WDHD1: variants seen among roughly 807,000 people sequenced by gnomAD.
The protein encoded by WDHD1 is WD repeat and HMG-box DNA binding protein 1.
A neutral mutation model predicts 135.4 loss-of-function variants in WDHD1; 111 were observed. The ratio of observed to expected loss-of-function variants is 0.82; its 90% CI spans 0.70 to 0.96. The LOEUF (loss-of-function observed/expected upper bound fraction) is 0.96, where lower values mean the gene tolerates loss of function less well. Ranked by LOEUF, WDHD1 falls within the 40% of genes least tolerant of loss-of-function variation. WDHD1 has a pLI of 0.00. For missense variants in WDHD1, 1,351 were observed against 1,336.3 expected (o/e 1.01, Z -0.17); for synonymous variants, 434 against 439.0 (o/e 0.99, Z 0.14).
chr14:54,961,835 A>C (rs1595069853), intron 21 of WDHD1, among the ~76,000 whole-genome samples: 3 of 147,960 alleles, frequency 2.0e-5, no homozygotes, highest in Non-Finnish European at 3.0e-5. Context: ...AACCATTTTC[A>C]ACTCCTTTTT....
At chr14:54,966,646 C>CTA in intron 17 of WDHD1, 40 bp from the exon 18 acceptor site, 5 of 1,567,930 alleles carry the variant, frequency 3.2e-6, no homozygotes, top group South Asian at 1.2e-5. Flanking sequence ...CAACTATCAC[C>CTA]TTAATATGAG....
intron 25 of WDHD1, among the ~76,000 whole-genome samples, chr14:54,943,881 T>A (rs2040876968): frequency 1.3e-5 from 2 of 148,616 alleles, no homozygotes; most frequent in South Asian, 2.1e-4. Flanking sequence ...GCCCAGGAGG[T>A]CGAGGTGGCA....
rs147903595 is a variant in WDHD1, at chr14:54,995,364, T to G, written c.1153+239A>C. On this transcript the variant is annotated intron_variant, in intron 11 of 25. Transcript: ENST00000360586. ...TGTTGTCAATTTTATTGAATTTTGCTCTGTATTATTTCCTTCCATTTGCTT... is the reference window on the plus strand; with the variant it reads ...TGTTGTCAATTTTATTGAATTTTGCGCTGTATTATTTCCTTCCATTTGCTT... 6.6e-5 allele frequency among the ~76,000 whole-genome samples: 7 copies of G among 105,612 alleles called. No individual in the cohort carries two copies. In the East Asian group the frequency reaches 1.4e-3, roughly 21 times the overall value. The allele number at this position is 105,612 out of a possible 152,430, so 69.3% of individuals were successfully genotyped here.
intron 21 of WDHD1, among the ~76,000 whole-genome samples, chr14:54,962,219 C>G (rs1307911418): frequency 6.6e-6 from 1 of 152,186 alleles, no homozygotes; most frequent in Non-Finnish European, 1.5e-5. Flanking sequence ...GTCTTCTCAG[C>G]TGGGCTAAAA....
At chr14:54,966,756 T>A (rs2041352962) in intron 17 of WDHD1, 150 bp from the exon 18 acceptor site, 18 of 967,084 alleles carry the variant, frequency 1.9e-5, no homozygotes, top group South Asian at 1.2e-4. Flanking sequence ...AATTCTAGTG[T>A]GATACTACAG....
At chr14:55,024,360 C>A (rs1310714898) in intron 2 of WDHD1, among the ~76,000 whole-genome samples, 1 of 152,344 alleles carries the variant, frequency 6.6e-6, no homozygotes, top group East Asian at 1.9e-4. Context: ...CTGTTATTTG[C>A]AAGTGGAAGC....
intron 24 of WDHD1, among the ~76,000 whole-genome samples, chr14:54,954,933 TGG>T (rs1452416278): frequency 6.6e-6 from 1 of 152,206 alleles, no homozygotes; most frequent in East Asian, 1.9e-4. Flanking sequence ...TTCTCCATGT[TGG>T]TCAGGCTGGT....
At chr14:54,957,931 T>C (rs1378737044) in intron 21 of WDHD1, among the ~76,000 whole-genome samples, 1 of 152,182 alleles carries the variant, frequency 6.6e-6, no homozygotes. Flanking sequence ...GTAATCCCTT[T>C]ACTTGTGTTC....
intron 2 of WDHD1, among the ~76,000 whole-genome samples, chr14:55,022,429 G>A (rs2042363454): frequency 6.6e-6 from 1 of 151,832 alleles, no homozygotes; most frequent in Admixed American, 6.6e-5. Flanking sequence ...TGTTCTTTGT[G>A]GCATTTTTCC....
intron 4 of WDHD1, among the ~76,000 whole-genome samples, chr14:55,009,948 G>A (rs1304155415): frequency 1.3e-5 from 2 of 151,718 alleles, no homozygotes; most frequent in African/African-American, 4.8e-5. Context: ...AGCTTCCCGA[G>A]TAGCTGGGAT....
At chr14:54,973,523 A>C (rs1320960513) in intron 16 of WDHD1, among the ~76,000 whole-genome samples, 2 of 152,194 alleles carry the variant, frequency 1.3e-5, no homozygotes, top group African/African-American at 4.8e-5. Flanking sequence ...TGATTTTATA[A>C]AAAATCTAGT....
chr14:54,947,665 C>T (rs1167892628), intron 24 of WDHD1, among the ~76,000 whole-genome samples: 1 of 152,036 alleles, frequency 6.6e-6, no homozygotes, highest in Non-Finnish European at 1.5e-5. Context: ...AATCTTGGCT[C>T]ATTGCAGCCT....
rs141000933 is a variant in WDHD1, at chr14:54,991,392, T to C, written c.1162A>G (p.Met388Val). The change falls in exon 12 of 26, where the codon ATG (methionine) becomes GTG (valine). Residue 388 changes from methionine (M) to valine (V), a missense_variant. By Grantham distance (21) the Met-to-Val change is conservative. This residue lies in a region of WDHD1 where 1,330 missense variants were observed against 1,296.1 expected (regional missense o/e 1.03). Transcript: ENST00000360586. Reference protein sequence around the residue: ...EDDENSVDISMLKTGSSLLKE... With the variant: ...EDDENSVDISVLKTGSSLLKE... Reference sequence around the variant, plus strand: ...AGAAGACTAGAACCAGTTTTTAGCATTGAAATATCTACAACACAAAGGATC... The same window carrying C: ...AGAAGACTAGAACCAGTTTTTAGCACTGAAATATCTACAACACAAAGGATC... 2.1e-5 allele frequency: 34 copies of C among 1,613,584 alleles called. No homozygotes were observed. Among genetic ancestry groups the C allele is most frequent in the African/African-American group, 8.0e-5 (6 of 74,916 alleles).
At chr14:54,983,132 C>G (rs2041644529) in intron 15 of WDHD1, among the ~76,000 whole-genome samples, 1 of 152,010 alleles carries the variant, frequency 6.6e-6, no homozygotes, top group African/African-American at 2.4e-5. Context: ...TCACTGCAGT[C>G]CAGCCTGGGT....
chr14:54,942,251 AAAATAAAT>A lies in WDHD1; in HGVS notation c.3190-569_3190-562del, dbSNP rs140230532. 1.5e-4 allele frequency among the ~76,000 whole-genome samples: 23 copies of A among 149,100 alleles called. No individual in the cohort carries two copies. In the South Asian group the frequency reaches 1.7e-3, roughly 11 times the overall value. On this transcript the variant is annotated intron_variant, in intron 25 of 25. Coordinates refer to ENST00000360586, the MANE Select transcript of WDHD1 (RefSeq NM_007086.4). ...GGGCGAGAGCAAGACTCCGTCTCAAAAAATAAATAAATAAATAAATAAATAAATAATAA... is the reference window on the plus strand; with the variant it reads ...GGGCGAGAGCAAGACTCCGTCTCAAAAAATAAATAAATAAATAAATAATAA...
intron 3 of WDHD1, among the ~76,000 whole-genome samples, chr14:55,010,819 G>A (rs1277628577): frequency 2.0e-5 from 3 of 152,230 alleles, no homozygotes; most frequent in Non-Finnish European, 4.4e-5. Flanking sequence ...TGAGGAGAAG[G>A]CATCAGAAGG....
At chr14:54,996,678 T>C (rs980746510) in intron 10 of WDHD1, among the ~76,000 whole-genome samples, 24 of 152,182 alleles carry the variant, frequency 1.6e-4, no homozygotes, top group Non-Finnish European at 2.9e-5. Flanking sequence ...GTTACTCCTA[T>C]AGGATGCATA....
intron 2 of WDHD1, among the ~76,000 whole-genome samples, chr14:55,017,342 ATTC>A (rs200434634): frequency 0.024 from 3,652 of 152,196 alleles, 58 homozygotes; most frequent in South Asian, 0.04. Flanking sequence ...AAAAATCAAT[ATTC>A]TTTTTTTTTC....
intron 7 of WDHD1, among the ~76,000 whole-genome samples, chr14:55,006,987 G>T (rs1175385334): frequency 6.6e-6 from 1 of 152,118 alleles, no homozygotes; most frequent in African/African-American, 2.4e-5. Context: ...AGCATTTTGT[G>T]AGGCTGAGGT....
Sources: allele counts gnomAD v4.1 joint callset (sites outside exome capture counted in the v4.1 genomes callset), GRCh38; gene constraint gnomAD v4.1.1; regional missense constraint gnomAD v4.1.1; transcripts MANE v1.5; gene names NCBI Gene and HGNC (gene_info 2026-07-23, HGNC 2026-07-21).